PPP6R2: variants seen among roughly 807,000 people sequenced by gnomAD.
PPP6R2 encodes protein phosphatase 6 regulatory subunit 2.
In PPP6R2, 62 loss-of-function variants were observed where a neutral mutation model predicts 100.2. The ratio of observed to expected loss-of-function variants is 0.62; its 90% CI spans 0.50 to 0.76. The LOEUF (loss-of-function observed/expected upper bound fraction) is 0.76. Among genes scored for constraint, PPP6R2 ranks in the 30% least tolerant of loss-of-function variants. The probability of loss-of-function intolerance (pLI) is 0.00; values close to 1 mark genes in which losing one functional copy is unlikely to be tolerated. For missense variants in PPP6R2, 1,142 were observed against 1,276.3 expected (o/e 0.89, Z 1.60); for synonymous variants, 525 against 514.7 (o/e 1.02, Z -0.27).
At chr22:50,432,685 C>T (rs751605226) in intron 12 of PPP6R2, among the ~76,000 whole-genome samples, 2 of 152,230 alleles carry the variant, frequency 1.3e-5, no homozygotes, top group African/African-American at 2.4e-5. Flanking sequence ...CACAGGGACG[C>T]GTTATTTTGG....
Position 50,355,764 on chromosome 22 carries a change from G to A in PPP6R2, c.-148+12214G>A, listed in dbSNP as rs1326982623. Among the ~76,000 whole-genome samples the A allele has an allele frequency of 5.4e-5, 8 of 149,306 alleles. No homozygotes were observed. In the East Asian group the frequency reaches 5.9e-4, roughly 11 times the overall value. The stretch of plus-strand genomic sequence containing the variant: ...TCTCGATCTCCTTACCTCATGATCC[G>A]CCCGCCTCGGCCTCCCAAATTGCTG... On this transcript the variant is annotated intron_variant, in intron 1 of 23. Transcript: ENST00000612753.
chr22:50,364,287 C>T (rs2148387507), intron 1 of PPP6R2, among the ~76,000 whole-genome samples: 1 of 152,180 alleles, frequency 6.6e-6, no homozygotes, highest in Middle Eastern at 3.4e-3. Flanking sequence ...AGAGAAGTGT[C>T]ATACTTGAAA....
At chr22:50,390,240 CTT>C (rs2055187318) in intron 2 of PPP6R2, among the ~76,000 whole-genome samples, 1 of 152,112 alleles carries the variant, frequency 6.6e-6, no homozygotes, top group African/African-American at 2.4e-5. Context: ...GATCCACCCG[CTT>C]CATCCTCCCA....
upstream of PPP6R2, among the ~76,000 whole-genome samples, chr22:50,339,861 TA>T (rs2042351359): frequency 9.0e-6 from 1 of 111,408 alleles, no homozygotes; most frequent in African/African-American, 3.5e-5. Flanking sequence ...GTGTGGTATG[TA>T]GTGTGTGTGT....
At chr22:50,370,796 G>A (rs372446896) in intron 1 of PPP6R2, among the ~76,000 whole-genome samples, 6 of 150,454 alleles carry the variant, frequency 4.0e-5, no homozygotes, top group Admixed American at 6.6e-5. Flanking sequence ...ATTGTGCCTC[G>A]CTAGTTTTTG....
chr22:50,418,809 C>G, intron 6 of PPP6R2, 58 bp from the exon 7 acceptor site: 1 of 1,388,092 alleles, frequency 7.2e-7, no homozygotes, highest in Non-Finnish European at 1.0e-6. Context: ...CCCAGCAGGG[C>G]TGGTCCTGCT....
At chr22:50,355,329 C>T (rs1432720622) in intron 1 of PPP6R2, among the ~76,000 whole-genome samples, 1 of 151,166 alleles carries the variant, frequency 6.6e-6, no homozygotes, top group African/African-American at 2.4e-5. Context: ...GCTCCGCCTC[C>T]CAGGTTCATG....
At chr22:50,377,965 C>T (rs1026438430) in intron 2 of PPP6R2, among the ~76,000 whole-genome samples, 6 of 152,122 alleles carry the variant, frequency 3.9e-5, no homozygotes, top group South Asian at 2.1e-4. Flanking sequence ...TGAGCTTGAG[C>T]GCTCCAGCCT....
At position 50,422,374 on chromosome 22, in the gene PPP6R2, G is replaced by A. The variant is rs766887622; in HGVS notation, c.966G>A (p.Pro322=). ...ACTTCCACCAGCTCCTGCTCAACCCGCCCAAGGTAAATGGCCGTGGCGACT... is the reference window on the plus strand; with the variant it reads ...ACTTCCACCAGCTCCTGCTCAACCCACCCAAGGTAAATGGCCGTGGCGACT... ...LKDFHQLLLN[P]PKKKAILTTI... The change falls in exon 9 of 24, where the codon CCG becomes CCA. Residue 322 remains proline, a synonymous_variant. Coordinates refer to ENST00000612753, the MANE Select transcript of PPP6R2 (RefSeq NM_001242898.2). 2.2e-5 allele frequency: 36 copies of A among 1,613,756 alleles called. No homozygotes were observed. Among genetic ancestry groups the A allele is most frequent in the Non-Finnish European group, 2.7e-5 (32 of 1,179,898 alleles).
the PPP6R2 span, among the ~76,000 whole-genome samples, chr22:50,333,289 T>TA: frequency 2.6e-5 from 4 of 152,162 alleles, no homozygotes; most frequent in Non-Finnish European, 5.9e-5. Flanking sequence ...TCTAGCTTTG[T>TA]AGTAAGTTTT....
At chr22:50,337,152 G>T in the PPP6R2 span, among the ~76,000 whole-genome samples, 1 of 150,178 alleles carries the variant, frequency 6.7e-6, no homozygotes, top group African/African-American at 2.5e-5. Flanking sequence ...TGTGTACAGT[G>T]TGTGTGTGCG....
intron 3 of PPP6R2, among the ~76,000 whole-genome samples, chr22:50,402,367 A>G (rs1217067375): frequency 7.4e-6 from 1 of 134,426 alleles, no homozygotes; most frequent in Non-Finnish European, 1.5e-5. Flanking sequence ...CTATTTCTGG[A>G]TGGTGTCTGG....
intron 5 of PPP6R2, among the ~76,000 whole-genome samples, chr22:50,415,452 T>C (rs896509109): frequency 1.3e-5 from 2 of 152,244 alleles, no homozygotes; most frequent in African/African-American, 4.8e-5. Context: ...GCTGTGGTCA[T>C]AGCCGTTAGT....
At chr22:50,386,291 G>A (rs1185305328) in intron 2 of PPP6R2, among the ~76,000 whole-genome samples, 3 of 151,542 alleles carry the variant, frequency 2.0e-5, no homozygotes, top group East Asian at 1.9e-4. Flanking sequence ...ACAGGTGCCC[G>A]CCACCATACC....
intron 1 of PPP6R2, among the ~76,000 whole-genome samples, chr22:50,359,960 T>A (rs940748852): frequency 1.3e-5 from 2 of 152,154 alleles, no homozygotes; most frequent in African/African-American, 4.8e-5. Flanking sequence ...AGCTTTTGTT[T>A]GTCTTAAAAT....
At chr22:50,414,281 G>GGGACAGCT (rs1300892310) in intron 4 of PPP6R2, among the ~76,000 whole-genome samples, 3 of 141,970 alleles carry the variant, frequency 2.1e-5, no homozygotes, top group African/African-American at 7.8e-5. Flanking sequence ...TGCCCCACCT[G>GGGACAGCT]GGACAGCTGT....
At chr22:50,443,162 A>G (rs1366903367) in intron 22 of PPP6R2, 1 of 152,182 alleles carries the variant, frequency 6.6e-6, no homozygotes, top group African/African-American at 2.4e-5. Flanking sequence ...AACAAAACCA[A>G]AACAAACCTT....
intron 2 of PPP6R2, among the ~76,000 whole-genome samples, chr22:50,379,406 A>G (rs2052395610): frequency 1.3e-5 from 2 of 152,074 alleles, no homozygotes; most frequent in African/African-American, 4.8e-5. Flanking sequence ...CTGAGGTGGG[A>G]GTATCACTTG....
At chr22:50,335,735 G>C in the PPP6R2 span, among the ~76,000 whole-genome samples, 1,329 of 140,616 alleles carry the variant, frequency 9.5e-3, 222 homozygotes, top group African/African-American at 0.036. Flanking sequence ...GAGAGCAGTG[G>C]CGCAATCTTG....
Sources: allele counts gnomAD v4.1 joint callset (sites outside exome capture counted in the v4.1 genomes callset), GRCh38; gene constraint gnomAD v4.1.1; transcripts MANE v1.5; gene names NCBI Gene and HGNC (gene_info 2026-07-23, HGNC 2026-07-21).